STAG2: variants seen among roughly 807,000 people sequenced by gnomAD.
STAG2 encodes the protein cohesin subunit SA-2.
STAG2 carries 14 observed loss-of-function variants against 108.1 expected under a neutral mutation model. The observed-to-expected ratio is 0.13, with a 90% confidence interval of 0.09 to 0.20. The LOEUF (loss-of-function observed/expected upper bound fraction) is 0.20, where lower values mean the gene tolerates loss of function less well. STAG2 is among the 10% of genes least tolerant of loss of function. The pLI, the probability that STAG2 is intolerant of heterozygous loss-of-function variation, is 1.00. For synonymous variants in STAG2, 307 were observed against 302.7 expected, an observed-to-expected ratio of 1.01 and a Z score of -0.15; for missense variants, 440 against 940.9, an observed-to-expected ratio of 0.47 and a Z score of 6.96.
chrX:124,002,783 C>T (rs1450433960), intron 1 of STAG2, among the ~76,000 whole-genome samples: 2 of 107,378 alleles, frequency 1.9e-5, no homozygotes, highest in African/African-American at 6.8e-5. Flanking sequence ...TGCCACCACG[C>T]TTGGCAATTT....
At chrX:123,995,025 A>G (rs2055664357) in intron 1 of STAG2, among the ~76,000 whole-genome samples, 1 of 111,990 alleles carries the variant, frequency 8.9e-6, no homozygotes, top group African/African-American at 3.2e-5. Context: ...AACCTCTGCA[A>G]ACTCCTATTT....
rs753179400 is a variant in STAG2, at chrX:124,047,609, T to A, written c.819+104T>A. On this transcript the variant is annotated intron_variant, in intron 9 of 34. Coordinates refer to ENST00000371145, the MANE Select transcript of STAG2 (RefSeq NM_001042750.2). ...GCTCAGATAATTGTTTTTGAAATAT[T>A]TAAATGTAAATAACATTTCAAACTA... The A allele has an allele frequency of 1.4e-3, 986 of 681,727 alleles. 6 individuals carry two copies. Among genetic ancestry groups the A allele is most frequent in the South Asian group, 0.01 (356 of 34,797 alleles). The allele number at this position is 681,727 out of a possible 1,213,427, so 56.2% of individuals were successfully genotyped here.
intron 11 of STAG2, among the ~76,000 whole-genome samples, chrX:124,050,755 A>G (rs2058014378): frequency 8.9e-6 from 1 of 111,769 alleles, no homozygotes; most frequent in Non-Finnish European, 1.9e-5. Context: ...CCATTCTCTT[A>G]GGCTGCCTCT....
chrX:124,088,569 A>T, intron 30 of STAG2, among the ~76,000 whole-genome samples: 1 of 106,119 alleles, frequency 9.4e-6, no homozygotes, highest in African/African-American at 3.4e-5. Context: ...TTTTCTTTCC[A>T]CTCTTATTCC....
chrX:124,015,223 T>C (rs1472701505), intron 1 of STAG2, among the ~76,000 whole-genome samples: 2 of 107,989 alleles, frequency 1.9e-5, no homozygotes, highest in African/African-American at 6.8e-5. Flanking sequence ...CTTGACCTCG[T>C]GATCCTCCCG....
intron 1 of STAG2, among the ~76,000 whole-genome samples, chrX:124,010,734 C>T (rs2056495840): frequency 9.0e-6 from 1 of 111,349 alleles, no homozygotes; most frequent in Admixed American, 9.6e-5. Context: ...TGGTTTCATT[C>T]ATTATACGTC....
chrX:124,007,227 G>C (rs1263558765), intron 1 of STAG2, among the ~76,000 whole-genome samples: 1 of 105,524 alleles, frequency 9.5e-6, no homozygotes, highest in African/African-American at 3.5e-5. Context: ...GTGTTGACCA[G>C]GCTGGTCTCA....
At chrX:123,978,578 A>C (rs2054735528) in intron 1 of STAG2, among the ~76,000 whole-genome samples, 1 of 111,505 alleles carries the variant, frequency 9.0e-6, no homozygotes, top group South Asian at 3.7e-4. Flanking sequence ...GGATTGGGCA[A>C]ATCTTTGATC....
intron 1 of STAG2, chrX:124,003,668 C>T (rs932087180): frequency 9.0e-6 from 1 of 111,242 alleles, no homozygotes; most frequent in Non-Finnish European, 1.9e-5. Context: ...AGGTGATCCA[C>T]CCTCCTTGGC....
Position 123,964,304 on chromosome X carries a change from C to T in STAG2, c.-163+2448C>T, listed in dbSNP as rs189161510. On this transcript the variant is annotated intron_variant, in intron 1 of 34. Coordinates refer to ENST00000371145, the MANE Select transcript of STAG2 (RefSeq NM_001042750.2). Reference sequence around the variant, plus strand: ...TAGTATAAAACAGGCAACATAAATACTTATAAATTGGTTGAACTTTAAATG... The same window carrying T: ...TAGTATAAAACAGGCAACATAAATATTTATAAATTGGTTGAACTTTAAATG... Among the ~76,000 whole-genome samples the T allele has an allele frequency of 9.0e-3, 991 of 110,063 alleles. 4 individuals are homozygous for T. Among genetic ancestry groups the T allele is most frequent in the Non-Finnish European group, 0.014 (757 of 52,715 alleles).
At chrX:123,995,798 T>C (rs997149961) in intron 1 of STAG2, among the ~76,000 whole-genome samples, 1 of 112,647 alleles carries the variant, frequency 8.9e-6, no homozygotes, top group African/African-American at 3.2e-5. Flanking sequence ...AAGTGCTTAT[T>C]AAAATGACAG....
At chrX:124,072,900 C>CTTTT (rs2058704912) in intron 25 of STAG2, among the ~76,000 whole-genome samples, 1 of 84,800 alleles carries the variant, frequency 1.2e-5, no homozygotes, top group African/African-American at 4.6e-5. Flanking sequence ...TTCTTTCTTT[C>CTTTT]TTTCTTTTTT....
intron 1 of STAG2, among the ~76,000 whole-genome samples, chrX:123,969,952 G>GTT (rs749744551): frequency 0.12 from 4,586 of 39,051 alleles, 460 homozygotes; most frequent in South Asian, 0.13. Context: ...CGGTCTTCCT[G>GTT]TTTTTTTTTT....
chrX:123,968,321 G>C (rs1332918226), intron 1 of STAG2, among the ~76,000 whole-genome samples: 1 of 112,045 alleles, frequency 8.9e-6, no homozygotes, highest in African/African-American at 3.2e-5. Flanking sequence ...ATTTCAGTAA[G>C]CTCTGCCTAA....
rs755533389 is a variant in STAG2 at position 123,982,611 on chromosome X, T to A, written c.-163+20755T>A. 5.3e-4 allele frequency among the ~76,000 whole-genome samples: 59 copies of A among 111,250 alleles called. 1 individual carries two copies. Among genetic ancestry groups the A allele is most frequent in the Admixed American group, 1.3e-3 (14 of 10,436 alleles). On this transcript the variant is annotated intron_variant, in intron 1 of 34. Transcript: ENST00000371145. Reference sequence around the variant, plus strand: ...CATGTTGGCCAGGCTGGTCTCGAACTCCTGACCTCAAGTGATCCGCCCACC... The same window carrying A: ...CATGTTGGCCAGGCTGGTCTCGAACACCTGACCTCAAGTGATCCGCCCACC...
intron 13 of STAG2, among the ~76,000 whole-genome samples, chrX:124,054,113 T>C (rs1338761282): frequency 8.9e-6 from 1 of 112,193 alleles, no homozygotes; most frequent in Non-Finnish European, 1.9e-5. Flanking sequence ...TGGTCTAAGC[T>C]CCTTGGAGAA....
rs1455508283 is a variant in STAG2, at chrX:124,081,113, A to G, written c.2776-267A>G. On this transcript the variant is annotated intron_variant, in intron 27 of 34. Transcript: ENST00000371145. Reference sequence around the variant, plus strand: ...GGTTTTTTTTCCCCTTTATATTTTTATATGCTATGTTAATATCCAATTAAT... The same window carrying G: ...GGTTTTTTTTCCCCTTTATATTTTTGTATGCTATGTTAATATCCAATTAAT... Among the ~76,000 whole-genome samples the G allele has an allele frequency of 9.9e-5, 11 of 110,806 alleles. No homozygotes were observed. The South Asian group carries it at 3.3e-3, about 34-fold the overall frequency.
At chrX:123,972,866 CAAAAA>C (rs747333406) in intron 1 of STAG2, among the ~76,000 whole-genome samples, 3 of 21,934 alleles carry the variant, frequency 1.4e-4, no homozygotes, top group African/African-American at 1.9e-4. Flanking sequence ...ACCAAAAATA[CAAAAA>C]AAAAAAAAAA....
At chrX:123,980,545 A>T (rs984864812) in intron 1 of STAG2, among the ~76,000 whole-genome samples, 4 of 111,910 alleles carry the variant, frequency 3.6e-5, no homozygotes, top group African/African-American at 1.3e-4. Flanking sequence ...TTTAAAGCTG[A>T]TATGATCAAC....
Sources: gnomAD v4.1 joint callset for allele counts (sites outside exome capture counted in the v4.1 genomes callset) on GRCh38, gnomAD v4.1.1 for gene constraint, MANE v1.5 for transcripts, NCBI Gene and HGNC (gene_info 2026-07-23, HGNC 2026-07-21) for gene names.